Variants in KHDRBS2 observed in about 807,000 individuals in gnomAD.
The protein encoded by KHDRBS2 is KH RNA binding domain containing, signal transduction associated 2.
A neutral mutation model predicts 44.3 loss-of-function variants in KHDRBS2; 26 were observed. The ratio of observed to expected loss-of-function variants is 0.59; its 90% CI spans 0.43 to 0.81. The LOEUF is 0.81. KHDRBS2 is among the 40% of genes least tolerant of loss of function. The pLI is 0.00. For synonymous variants in KHDRBS2, 194 were observed against 151.1 expected (o/e 1.28, Z -2.08); for missense variants, 476 against 433.1 (o/e 1.10, Z -0.88).
chr6:61,901,767 C>G (rs1277922048), intron 4 of KHDRBS2, among the ~76,000 whole-genome samples: 1 of 152,014 alleles, frequency 6.6e-6, no homozygotes, highest in Non-Finnish European at 1.5e-5. Flanking sequence ...ATATGGATGA[C>G]TACATGATAT....
At chr6:62,090,887 T>G (rs757841394) in intron 2 of KHDRBS2, among the ~76,000 whole-genome samples, 3 of 152,208 alleles carry the variant, frequency 2.0e-5, no homozygotes, top group Non-Finnish European at 4.4e-5. Flanking sequence ...TTTTTGCAAG[T>G]GTCACAGGGA....
intron 6 of KHDRBS2, among the ~76,000 whole-genome samples, chr6:61,835,727 G>GTA (rs1219001263): frequency 2.6e-5 from 4 of 151,542 alleles, no homozygotes; most frequent in Non-Finnish European, 5.9e-5. Flanking sequence ...GTGTGTGTGT[G>GTA]TGTGTGTGTG....
chr6:62,215,079 G>T (rs1364302732), intron 1 of KHDRBS2, among the ~76,000 whole-genome samples: 3 of 151,734 alleles, frequency 2.0e-5, no homozygotes, highest in Non-Finnish European at 2.9e-5. Flanking sequence ...CTGTCTAACA[G>T]GTAGCATACC....
the KHDRBS2 span, among the ~76,000 whole-genome samples, chr6:61,546,168 T>C: frequency 5.9e-5 from 9 of 151,984 alleles, no homozygotes; most frequent in African/African-American, 2.2e-4. Flanking sequence ...ACAAGTTTTC[T>C]GACAAAATTT....
intron 2 of KHDRBS2, among the ~76,000 whole-genome samples, chr6:62,130,207 T>C (rs1344780233): frequency 6.6e-6 from 1 of 152,166 alleles, no homozygotes; most frequent in East Asian, 1.9e-4. Context: ...ATAATTGTGG[T>C]AGAATCATCC....
chr6:62,049,318 G>T (rs1461827227), intron 2 of KHDRBS2, among the ~76,000 whole-genome samples: 1 of 151,230 alleles, frequency 6.6e-6, no homozygotes, highest in Non-Finnish European at 1.5e-5. Context: ...AACAAAAAAG[G>T]AAACAAAAAA....
chr6:62,008,454 A>G (rs1405391304), intron 3 of KHDRBS2, among the ~76,000 whole-genome samples: 1 of 152,218 alleles, frequency 6.6e-6, no homozygotes, highest in Non-Finnish European at 1.5e-5. Context: ...AATGCTCAAT[A>G]GTTAACTATG....
At chr6:61,787,698 C>T (rs1344551656) in intron 6 of KHDRBS2, among the ~76,000 whole-genome samples, 1 of 151,622 alleles carries the variant, frequency 6.6e-6, no homozygotes, top group African/African-American at 2.4e-5. Flanking sequence ...GTGTTCCAGC[C>T]CAATGACAAT....
At chr6:62,162,130 G>C (rs1208066607) in intron 2 of KHDRBS2, among the ~76,000 whole-genome samples, 1 of 151,978 alleles carries the variant, frequency 6.6e-6, no homozygotes, top group Non-Finnish European at 1.5e-5. Context: ...CCATTGTTAA[G>C]ATAATACTAG....
At chr6:62,106,131 T>C (rs1483152730) in intron 2 of KHDRBS2, among the ~76,000 whole-genome samples, 1 of 152,204 alleles carries the variant, frequency 6.6e-6, no homozygotes, top group African/African-American at 2.4e-5. Flanking sequence ...GATTGCACTG[T>C]GGTGTGAGAG....
At chr6:62,196,633 C>T (rs1585154286) in intron 1 of KHDRBS2, among the ~76,000 whole-genome samples, 1 of 152,200 alleles carries the variant, frequency 6.6e-6, no homozygotes, top group African/African-American at 2.4e-5. Context: ...GTCACACATC[C>T]CCTGCATATA....
intron 4 of KHDRBS2, among the ~76,000 whole-genome samples, chr6:61,942,588 A>G (rs1225304914): frequency 6.6e-6 from 1 of 152,166 alleles, no homozygotes; most frequent in African/African-American, 2.4e-5. Flanking sequence ...GACACCATGA[A>G]GCAACCCAAT....
chr6:62,042,557 G>T (rs1217717928), intron 3 of KHDRBS2, among the ~76,000 whole-genome samples: 1 of 152,070 alleles, frequency 6.6e-6, no homozygotes, highest in Non-Finnish European at 1.5e-5. Flanking sequence ...CAAGCAATGA[G>T]CATGACTTCA....
chr6:62,189,937 C>T (rs1186251556), intron 1 of KHDRBS2, among the ~76,000 whole-genome samples: 1 of 151,986 alleles, frequency 6.6e-6, no homozygotes, highest in South Asian at 2.1e-4. Flanking sequence ...ATTCTGGAGC[C>T]TAAGGAAAAG....
intron 2 of KHDRBS2, among the ~76,000 whole-genome samples, chr6:62,130,789 G>T (rs1369115930): frequency 6.6e-6 from 1 of 151,832 alleles, no homozygotes; most frequent in East Asian, 1.9e-4. Flanking sequence ...GGTCAAAAAT[G>T]ATCTAAAAAA....
At chr6:61,892,371 T>C (rs1249067481) in intron 6 of KHDRBS2, among the ~76,000 whole-genome samples, 3 of 152,184 alleles carry the variant, frequency 2.0e-5, no homozygotes, top group Non-Finnish European at 2.9e-5. Flanking sequence ...AAGCTACCAA[T>C]GACTTTATTC....
chr6:61,758,084 C>T (rs1778765956), intron 6 of KHDRBS2, among the ~76,000 whole-genome samples: 2 of 152,104 alleles, frequency 1.3e-5, no homozygotes, highest in South Asian at 4.1e-4. Flanking sequence ...CTTGAACTCT[C>T]ACTTCTCTGT....
chr6:62,151,142 CACAT>C (rs1416189973), intron 2 of KHDRBS2, among the ~76,000 whole-genome samples: 1 of 152,218 alleles, frequency 6.6e-6, no homozygotes, highest in Non-Finnish European at 1.5e-5. Flanking sequence ...TACTATCGAT[CACAT>C]ACTATTGATG....
At chr6:61,958,376 T>G (rs1767902730) in intron 4 of KHDRBS2, among the ~76,000 whole-genome samples, 1 of 152,160 alleles carries the variant, frequency 6.6e-6, no homozygotes, top group Non-Finnish European at 1.5e-5. Context: ...TTTCCTGTTT[T>G]GGGGATAAAA....
Sources: allele counts gnomAD v4.1 joint callset (sites outside exome capture counted in the v4.1 genomes callset), GRCh38; gene constraint gnomAD v4.1.1; transcripts MANE v1.5; gene names NCBI Gene and HGNC (gene_info 2026-07-23, HGNC 2026-07-21).